UGT1A8: variants seen among roughly 807,000 people sequenced by gnomAD.
The protein encoded by UGT1A8 is UDP glucuronosyltransferase family 1 member A8.
UGT1A8 carries 39 observed loss-of-function variants against 45.3 expected under a neutral mutation model. The observed-to-expected ratio is 0.86, with a 90% CI of 0.67 to 1.12. The LOEUF is 1.12. Among genes scored for constraint, UGT1A8 ranks in the 50% most tolerant of loss-of-function variants. The pLI is 0.00. For synonymous variants in UGT1A8, 275 were observed against 249.2 expected, an observed-to-expected ratio of 1.10 and a Z score of -0.97; for missense variants, 719 against 664.9, an observed-to-expected ratio of 1.08 and a Z score of -0.90.
chr2:233,646,684 G>C (rs2073612231), intron 1 of UGT1A8, among the ~76,000 whole-genome samples: 1 of 152,092 alleles, frequency 6.6e-6, no homozygotes, highest in African/African-American at 2.4e-5. Context: ...ATCTCCATTT[G>C]AAACCACCTC....
chr2:233,675,728 C>T (rs1419810459), intron 1 of UGT1A8, among the ~76,000 whole-genome samples: 1 of 152,182 alleles, frequency 6.6e-6, no homozygotes, highest in Non-Finnish European at 1.5e-5. Flanking sequence ...CTATTTTGCT[C>T]TACTAATTCA....
At chr2:233,698,440 A>G (rs996104849) in intron 1 of UGT1A8, among the ~76,000 whole-genome samples, 1 of 152,260 alleles carries the variant, frequency 6.6e-6, no homozygotes, top group African/African-American at 2.4e-5. Context: ...AAGAAGATAT[A>G]TCACAGATCA....
intron 1 of UGT1A8, among the ~76,000 whole-genome samples, chr2:233,635,216 T>C (rs953446171): frequency 6.6e-6 from 1 of 150,678 alleles, no homozygotes; most frequent in African/African-American, 2.5e-5. Flanking sequence ...AGGACCTTTC[T>C]CTCTGGCTGC....
chr2:233,671,831 A>T, intron 1 of UGT1A8: 1 of 1,460,028 alleles, frequency 6.8e-7, no homozygotes, highest in Admixed American at 2.6e-5. Flanking sequence ...AAAGGATAAA[A>T]ACACGCCCTC....
intron 1 of UGT1A8, among the ~76,000 whole-genome samples, chr2:233,763,201 A>G (rs1698260183): frequency 6.6e-6 from 1 of 152,250 alleles, no homozygotes; most frequent in South Asian, 2.1e-4. Flanking sequence ...TGTTTGGTGC[A>G]GTCAGGCTTA....
intron 1 of UGT1A8, chr2:233,681,785 G>C: frequency 1.0e-6 from 1 of 960,918 alleles, no homozygotes; most frequent in African/African-American, 1.8e-5. Context: ...GTATTATTAT[G>C]AGTAAATCAT....
At chr2:233,676,181 C>T (rs538707807) in intron 1 of UGT1A8, among the ~76,000 whole-genome samples, 1 of 152,264 alleles carries the variant, frequency 6.6e-6, no homozygotes, top group East Asian at 1.9e-4. Context: ...AATCATCCAG[C>T]CACCTCCCAC....
chr2:233,666,143 A>G (rs1031311910), intron 1 of UGT1A8, among the ~76,000 whole-genome samples: 7 of 152,226 alleles, frequency 4.6e-5, no homozygotes, highest in African/African-American at 1.7e-4. Flanking sequence ...ATGGCTAGAG[A>G]GAAGCAAGAG....
chr2:233,705,895 C>G (rs1312071295), intron 1 of UGT1A8, among the ~76,000 whole-genome samples: 1 of 152,094 alleles, frequency 6.6e-6, no homozygotes, highest in Non-Finnish European at 1.5e-5. Context: ...CAAGACTGCC[C>G]TGGCCAAAAT....
chr2:233,760,175 C>CT (rs1329658186), intron 1 of UGT1A8: 8 of 1,540,648 alleles, frequency 5.2e-6, no homozygotes, highest in Non-Finnish European at 6.1e-6. Flanking sequence ...GGACTGACAG[C>CT]TTTTTATAGT....
chr2:233,666,786 C>T (rs1326536192), intron 1 of UGT1A8, among the ~76,000 whole-genome samples: 1 of 150,116 alleles, frequency 6.7e-6, no homozygotes, highest in Non-Finnish European at 1.5e-5. Context: ...TCTCCTAATG[C>T]TATCCCTCCC....
At position 233,772,640 on chromosome 2, in the gene UGT1A8, C is replaced by T; in HGVS notation, c.*81C>T. On this transcript the variant is annotated 3_prime_UTR_variant, in exon 5 of 5. Transcript: ENST00000373450. ...TTGAAAACAGAATCAGTGTTAAATTCATTTTATTCTTATTAAGGAAATACT... is the reference window on the plus strand; with the variant it reads ...TTGAAAACAGAATCAGTGTTAAATTTATTTTATTCTTATTAAGGAAATACT... 2 of 1,552,730 alleles carry T rather than the reference C, an allele frequency of 1.3e-6. No individual in the cohort carries two copies. The highest frequency in any genetic ancestry group is 1.7e-6 in the Non-Finnish European group (2 of 1,148,442).
intron 1 of UGT1A8, chr2:233,719,117 G>T (rs761490999): frequency 6.2e-7 from 1 of 1,614,140 alleles, no homozygotes; most frequent in African/African-American, 1.3e-5. Flanking sequence ...ACACTCAAGG[G>T]TTCTTTGAAA....
intron 1 of UGT1A8, among the ~76,000 whole-genome samples, chr2:233,722,845 CTTT>C (rs61550889): frequency 7.4e-6 from 1 of 135,338 alleles, no homozygotes. Flanking sequence ...AAGAATGTTT[CTTT>C]TTTTTTTTTT....
intron 1 of UGT1A8, among the ~76,000 whole-genome samples, chr2:233,683,018 A>G (rs1222947231): frequency 6.6e-6 from 1 of 152,170 alleles, no homozygotes; most frequent in Non-Finnish European, 1.5e-5. Context: ...GATCATATCT[A>G]GGCTGCAATC....
chr2:233,693,767 TTAAGA>T (rs774933475), intron 1 of UGT1A8: 32 of 1,614,128 alleles, frequency 2.0e-5, no homozygotes, highest in Non-Finnish European at 2.6e-5. Flanking sequence ...TGTTTGGCTG[TTAAGA>T]TATGACTTTG....
chr2:233,699,892 C>G (rs566030513), intron 1 of UGT1A8, among the ~76,000 whole-genome samples: 2 of 152,106 alleles, frequency 1.3e-5, no homozygotes, highest in African/African-American at 4.8e-5. Flanking sequence ...ATTGGAGAGG[C>G]GAAATAGTCA....
intron 1 of UGT1A8, chr2:233,760,772 A>C: frequency 6.2e-7 from 1 of 1,613,930 alleles, no homozygotes; most frequent in Non-Finnish European, 8.5e-7. Flanking sequence ...ATCGTGGCCC[A>C]GTACCTGTCT....
chr2:233,757,160 CAG>C (rs980635310), intron 1 of UGT1A8, among the ~76,000 whole-genome samples: 33 of 151,262 alleles, frequency 2.2e-4, no homozygotes, highest in African/African-American at 7.8e-4. Context: ...GGGTCTATCC[CAG>C]AGTTTTGAGA....
Sources: allele counts gnomAD v4.1 joint callset (sites outside exome capture counted in the v4.1 genomes callset), GRCh38; gene constraint gnomAD v4.1.1; transcripts MANE v1.5; gene names NCBI Gene and HGNC (gene_info 2026-07-23, HGNC 2026-07-21).